MARCHF1: variants seen among roughly 807,000 people sequenced by gnomAD.
MARCHF1 encodes membrane associated ring-CH-type finger 1, also known as E3 ubiquitin-protein ligase MARCHF1.
In MARCHF1, 40 loss-of-function variants were observed where a neutral mutation model predicts 54.2. That is an observed-to-expected ratio of 0.74 (90% CI 0.57 to 0.96). The LOEUF is 0.96. MARCHF1 is among the 40% of genes least tolerant of loss of function. MARCHF1 has a pLI of 0.00. For synonymous variants in MARCHF1, 236 were observed against 236.3 expected (o/e 1.00, Z 0.01); for missense variants, 586 against 656.5 (o/e 0.89, Z 1.17).
At position 163,526,803 on chromosome 4, in the gene MARCHF1, T is replaced by C. The variant is rs193013472; in HGVS notation, c.*1945A>G. ...GTTTCCTGACTGAATACCTTAACAT[T>C]TTCCCCGCATATATACATGACTACA... is the stretch of plus-strand genomic sequence containing the variant. On this transcript the variant is annotated 3_prime_UTR_variant, in exon 10 of 10. Transcript: ENST00000514618. The C allele has an allele frequency of 6.6e-6, 1 of 152,026 alleles. No homozygotes were observed. Among genetic ancestry groups the C allele is most frequent in the African/African-American group, 2.4e-5 (1 of 41,530 alleles). The allele number at this position is 152,026 out of a possible 1,614,324, so 9.4% of individuals were successfully genotyped here. A position where few individuals can be genotyped will look rare whatever the true frequency, so the allele number is the denominator to read the frequency against.
intron 3 of MARCHF1, among the ~76,000 whole-genome samples, chr4:163,960,263 T>C (rs2110808742): frequency 6.6e-6 from 1 of 152,140 alleles, no homozygotes. Context: ...CTCAAAGAGC[T>C]AAAAGCAGAA....
intron 3 of MARCHF1, among the ~76,000 whole-genome samples, chr4:163,867,974 C>T (rs562361713): frequency 6.6e-6 from 1 of 151,916 alleles, no homozygotes; most frequent in South Asian, 2.1e-4. Flanking sequence ...AATATTTTGC[C>T]TGGTTACTTA....
chr4:164,226,588 A>G (rs1442216378), intron 1 of MARCHF1, among the ~76,000 whole-genome samples: 1 of 152,040 alleles, frequency 6.6e-6, no homozygotes, highest in Non-Finnish European at 1.5e-5. Flanking sequence ...GTAATAAAAG[A>G]TATGTAATAT....
chr4:164,222,392 T>C (rs1209457731), intron 1 of MARCHF1, among the ~76,000 whole-genome samples: 2 of 151,972 alleles, frequency 1.3e-5, no homozygotes, highest in African/African-American at 4.8e-5. Flanking sequence ...ATTTCATCTA[T>C]ATGAAAGAAA....
chr4:164,110,497 G>C (rs1192684129), intron 2 of MARCHF1, among the ~76,000 whole-genome samples: 3 of 151,652 alleles, frequency 2.0e-5, no homozygotes, highest in Non-Finnish European at 4.4e-5. Context: ...ACTCTTAAGT[G>C]TGTTCTTTAT....
At chr4:164,260,965 T>A (rs1159180682) in intron 1 of MARCHF1, among the ~76,000 whole-genome samples, 1 of 152,214 alleles carries the variant, frequency 6.6e-6, no homozygotes, top group Non-Finnish European at 1.5e-5. Context: ...TATTTATGTA[T>A]ATAATCTCAT....
chr4:163,998,810 A>G (rs1753130129), intron 2 of MARCHF1, among the ~76,000 whole-genome samples: 2 of 151,774 alleles, frequency 1.3e-5, no homozygotes, highest in Admixed American at 6.6e-5. Flanking sequence ...AGGCTGAATC[A>G]TCATTCCATT....
rs1294420402 is a variant in MARCHF1 at position 163,918,953 on chromosome 4, G to A, written c.-38-64784C>T. Among the ~76,000 whole-genome samples, 3 of 152,008 alleles carry A rather than the reference G, an allele frequency of 2.0e-5. No homozygotes were observed. The East Asian group carries it at 5.8e-4, about 29-fold the overall frequency. On this transcript the variant is annotated intron_variant, in intron 3 of 9. Transcript: ENST00000514618. ...TTCCTCCTGTCGCCTGAATATATGT[G>A]AAACTAAGAGAAATGTAAATTTTTC...
chr4:163,538,328 A>AT (rs74414639), intron 9 of MARCHF1, among the ~76,000 whole-genome samples: 14 of 107,686 alleles, frequency 1.3e-4, no homozygotes, highest in East Asian at 2.6e-4. Context: ...AAATTTATAA[A>AT]TTTTTTTTTT....
chr4:164,331,657 G>C (rs1735436911), intron 1 of MARCHF1, among the ~76,000 whole-genome samples: 1 of 151,796 alleles, frequency 6.6e-6, no homozygotes, highest in African/African-American at 2.4e-5. Flanking sequence ...CCTTCCTTTT[G>C]GTCACATTTA....
intron 4 of MARCHF1, among the ~76,000 whole-genome samples, chr4:163,739,113 A>G (rs1746126027): frequency 6.6e-6 from 1 of 152,200 alleles, no homozygotes; most frequent in Admixed American, 6.5e-5. Flanking sequence ...ATTTTATAGC[A>G]TTTTGGCTTT....
chr4:164,081,232 A>AAAC (rs1553978598), intron 2 of MARCHF1, among the ~76,000 whole-genome samples: 11 of 143,536 alleles, frequency 7.7e-5, no homozygotes, highest in African/African-American at 3.0e-4. Context: ...AAAAAAAAAA[A>AAAC]AAAAAGAAAT....
intron 4 of MARCHF1, among the ~76,000 whole-genome samples, chr4:163,782,906 C>G (rs572523457): frequency 6.6e-6 from 1 of 152,038 alleles, no homozygotes; most frequent in South Asian, 2.1e-4. Flanking sequence ...AAATGAGGTG[C>G]AGAGTAGATT....
At chr4:164,027,392 A>AAAAATAAAAAAAAAAT (rs1553971149) in intron 2 of MARCHF1, among the ~76,000 whole-genome samples, 1 of 58,982 alleles carries the variant, frequency 1.7e-5, no homozygotes, top group Admixed American at 2.7e-4. Flanking sequence ...AAAAAAAAAA[A>AAAAATAAAAAAAAAAT]AGATACATAG....
intron 3 of MARCHF1, among the ~76,000 whole-genome samples, chr4:163,861,779 G>A (rs1749941555): frequency 6.6e-6 from 1 of 151,966 alleles, no homozygotes; most frequent in African/African-American, 2.4e-5. Context: ...AGGCAATACT[G>A]AAGAAAAACA....
intron 5 of MARCHF1, among the ~76,000 whole-genome samples, chr4:163,695,922 A>T (rs969979625): frequency 6.7e-6 from 1 of 148,562 alleles, no homozygotes; most frequent in African/African-American, 2.6e-5. Context: ...GCACTAATAT[A>T]AAAAAGTATT....
At chr4:163,893,237 C>G (rs995616240) in intron 3 of MARCHF1, among the ~76,000 whole-genome samples, 1 of 152,088 alleles carries the variant, frequency 6.6e-6, no homozygotes, top group Non-Finnish European at 1.5e-5. Context: ...CCTTCCAGTT[C>G]AAGCAATTCT....
intron 4 of MARCHF1, among the ~76,000 whole-genome samples, chr4:163,797,043 A>G (rs1225501475): frequency 6.6e-6 from 1 of 152,116 alleles, no homozygotes; most frequent in Non-Finnish European, 1.5e-5. Flanking sequence ...GACATATCTT[A>G]TAATTTGTTT....
At chr4:164,043,513 C>T (rs981281571) in intron 2 of MARCHF1, among the ~76,000 whole-genome samples, 1 of 152,022 alleles carries the variant, frequency 6.6e-6, no homozygotes, top group Non-Finnish European at 1.5e-5. Flanking sequence ...GGACCCTCAG[C>T]CTGGCCCATA....
Sources: gnomAD v4.1 joint callset for allele counts (sites outside exome capture counted in the v4.1 genomes callset) on GRCh38, gnomAD v4.1.1 for gene constraint, MANE v1.5 for transcripts, NCBI Gene and HGNC (gene_info 2026-07-23, HGNC 2026-07-21) for gene names.